Variants in CGN observed in about 807,000 individuals in gnomAD.
CGN encodes cingulin.
A neutral mutation model predicts 157.1 loss-of-function variants in CGN; 121 were observed. The observed-to-expected ratio is 0.77, with a 90% CI of 0.66 to 0.90. CGN has a LOEUF of 0.90. CGN is among the 40% of genes least tolerant of loss of function. The pLI is 0.00. For missense variants in CGN, 1,424 were observed against 1,520.9 expected (o/e 0.94, Z 1.06); for synonymous variants, 535 against 607.5 (o/e 0.88, Z 1.76).
At chr1:151,522,927 GAAA>G (rs3056390) in intron 5 of CGN, among the ~76,000 whole-genome samples, 2 of 145,622 alleles carry the variant, frequency 1.4e-5, no homozygotes, top group African/African-American at 5.0e-5. Context: ...AAAACACCAA[GAAA>G]AAAAAAAAAT....
In CGN at chr1:151,537,275, G is replaced by C; in HGVS notation, c.3541G>C (p.Asp1181His). 5.0e-6 allele frequency: 8 copies of C among 1,613,978 alleles called. No individual in the cohort carries two copies. Among genetic ancestry groups the C allele is most frequent in the Non-Finnish European group, 6.8e-6 (8 of 1,179,884 alleles). Residue 1181 changes from aspartate to histidine, a missense_variant, in exon 21 of 21, where the codon GAC becomes CAC. Transcript: ENST00000271636. ...NEGLSSDEEF[D>H]SVYDPSSIAS... ...AGGGCTGAGCTCAGATGAGGAATTC[G>C]ACAGTGTCTACGATCCCTCGTCCAT...
intron 9 of CGN, among the ~76,000 whole-genome samples, chr1:151,526,151 T>G (rs980141048): frequency 2.7e-5 from 4 of 150,196 alleles, no homozygotes; most frequent in Non-Finnish European, 4.4e-5. Flanking sequence ...GGATTACGGG[T>G]GTGAGCCGCT....
Position 151,518,534 on chromosome 1 carries a change from C to T in CGN, c.15C>T (p.Pro5=). MEQA[P]NMAEPRGPVD... is the part of the protein sequence containing the mutation. Reference sequence around the variant, plus strand: ...TCCTCCTATTTATGGAGCAGGCACCCAACATGGCTGAGCCCCGGGGCCCCG... The same window carrying T: ...TCCTCCTATTTATGGAGCAGGCACCTAACATGGCTGAGCCCCGGGGCCCCG... Residue 5 remains proline (P), a synonymous_variant, in exon 2 of 21, where the codon CCC becomes CCT. Transcript: ENST00000271636. 1.2e-6 allele frequency: 2 copies of T among 1,608,052 alleles called. No homozygotes were observed. Among genetic ancestry groups the T allele is most frequent in the South Asian group, 2.2e-5 (2 of 90,880 alleles).
rs762863722 is a variant in CGN, at chr1:151,519,364, G to A, written c.845G>A (p.Arg282Lys). 1.6e-5 allele frequency: 25 copies of A among 1,599,522 alleles called. No homozygotes were observed. The highest frequency in any genetic ancestry group is 1.9e-5 in the Non-Finnish European group (22 of 1,178,666). Reference protein sequence around the residue: ...WVLQSFEEPRRSAQDPTMLQF... With the variant: ...WVLQSFEEPRKSAQDPTMLQF... ...CTTCAGAGTTTTGAGGAGCCGCGGA[G>A]GAGTGCACAGGACCCCACCATGCTG... Residue 282 changes from arginine (R) to lysine (K), a missense_variant, in exon 2 of 21, where the codon AGG (arginine) becomes AAG (lysine). Arg to Lys is a conservative substitution (Grantham distance 26, BLOSUM62 2). Coordinates refer to ENST00000271636, the MANE Select transcript of CGN (RefSeq NM_020770.3).
chr1:151,532,715 G>T (rs933124360), intron 14 of CGN, 143 bp downstream of exon 14: 3 of 578,160 alleles, frequency 5.2e-6, no homozygotes, highest in Admixed American at 4.3e-5. Flanking sequence ...TGCCTCCGGG[G>T]TTCACACCAT....
rs1665025101 is a variant in CGN, at chr1:151,538,406, C to T, written c.*1060C>T. 6.6e-6 allele frequency: 1 copy of T among 152,178 alleles called. No individual in the cohort carries two copies. 9.4% of individuals were successfully genotyped at this position (152,178 alleles called of 1,614,324 possible). A position where few individuals can be genotyped will look rare whatever the true frequency, so the allele number is the denominator to read the frequency against. On this transcript the variant is annotated 3_prime_UTR_variant, in exon 21 of 21. Transcript: ENST00000271636. Reference sequence around the variant, plus strand: ...GGCTTTGCAAGGGGTTAGAAGCTGACTGTAAAAATGGGAAGAGGCAACGGA... The same window carrying T: ...GGCTTTGCAAGGGGTTAGAAGCTGATTGTAAAAATGGGAAGAGGCAACGGA...
rs146542754 is a variant in CGN at position 151,530,567 on chromosome 1, C to T, written c.2392C>T (p.Leu798=). 3.5e-4 allele frequency: 565 copies of T among 1,609,538 alleles called. No homozygotes were observed. Among genetic ancestry groups the T allele is most frequent in the Non-Finnish European group, 4.5e-4 (531 of 1,178,242 alleles). The change falls in exon 13 of 21, where the codon CTG becomes TTG. Residue 798 remains leucine (L), a synonymous_variant. Transcript: ENST00000271636. ...GAGTCTGGCAGCAGCCAAGCGGGCACTGGAGGCACGCCTAGAGGAGGCTCA... is the reference window on the plus strand; with the variant it reads ...GAGTCTGGCAGCAGCCAAGCGGGCATTGGAGGCACGCCTAGAGGAGGCTCA... The part of the protein sequence containing the change: ...EGSLAAAKRA[L]EARLEEAQRG...
intron 2 of CGN, 104 bp downstream of exon 2, chr1:151,519,496 G>C: frequency 8.7e-6 from 9 of 1,037,242 alleles, no homozygotes; most frequent in Non-Finnish European, 1.2e-5. Flanking sequence ...AAATAGCCTA[G>C]GCAGAAACTC....
In CGN at chr1:151,520,435, T is replaced by A. The variant is rs1338476963; in HGVS notation, c.996T>A (p.Ser332=). The change falls in exon 4 of 21, where the codon TCT becomes TCA. Residue 332 remains serine (S), a synonymous_variant. Coordinates refer to ENST00000271636, the MANE Select transcript of CGN (RefSeq NM_020770.3). Reference sequence around the variant, plus strand: ...CTAGAAGCTCAGAAAGTGAAACCTCTGTGAGGAGGAAGGTTAGTTTGGTGC... The same window carrying A: ...CTAGAAGCTCAGAAAGTGAAACCTCAGTGAGGAGGAAGGTTAGTTTGGTGC... The part of the protein sequence containing the change: ...LREGSSESET[S]VRRKVSLVLE... 4.3e-6 allele frequency: 7 copies of A among 1,614,180 alleles called. No homozygotes were observed. The highest frequency in any genetic ancestry group is 5.9e-6 in the Non-Finnish European group (7 of 1,179,992).
intron 1 of CGN, among the ~76,000 whole-genome samples, chr1:151,517,532 T>C (rs1664442350): frequency 1.4e-5 from 2 of 147,930 alleles, no homozygotes; most frequent in South Asian, 4.3e-4. Flanking sequence ...TTTTTGGAGA[T>C]AGAGTTTTGC....
At position 151,530,081 on chromosome 1, in the gene CGN, A is replaced by C; in HGVS notation, c.2279A>C (p.Glu760Ala). ...RGLVDGGEAV[E>A]ARLRDKLQRL... is the part of the protein sequence containing the mutation. ...CTGGTGGATGGTGGGGAAGCGGTGG[A>C]GGCACGACTACGGGACAAGCTGCAG... Residue 760 changes from glutamate (E) to alanine (A), a missense_variant, in exon 12 of 21, where the codon GAG becomes GCG. Coordinates refer to ENST00000271636, the MANE Select transcript of CGN (RefSeq NM_020770.3). 1 of 1,613,868 alleles carries C rather than the reference A, an allele frequency of 6.2e-7. No individual in the cohort carries two copies. Among genetic ancestry groups the C allele is most frequent in the East Asian group, 2.2e-5 (1 of 44,858 alleles).
chr1:151,520,520 G>T, intron 4 of CGN, 37 bp downstream of exon 4: 2 of 1,612,624 alleles, frequency 1.2e-6, no homozygotes, highest in Non-Finnish European at 8.5e-7. Flanking sequence ...AAGGGTCAAG[G>T]TTAGAGCTTT....
Position 151,534,017 on chromosome 1 carries a change from C to T in CGN, c.2785C>T (p.Arg929Trp), listed in dbSNP as rs1211160355. ...GGCCCTGCAGGCATCCCAGGCTGAGCGGGACACAGCCCGGCTGGACAAAGA... is the reference window on the plus strand; with the variant it reads ...GGCCCTGCAGGCATCCCAGGCTGAGTGGGACACAGCCCGGCTGGACAAAGA... ...RQALQASQAE[R>W]DTARLDKELL... Residue 929 changes from arginine (R) to tryptophan (W), a missense_variant, in exon 15 of 21, where the codon CGG becomes TGG. Around this residue, in one of 3 missense-constraint regions of CGN, gnomAD observed 1,187 missense variants for 1,217.6 expected, o/e 0.97. Transcript: ENST00000271636. The T allele has an allele frequency of 8.7e-6, 14 of 1,612,674 alleles. No homozygotes were observed. The highest frequency in any genetic ancestry group is 1.1e-5 in the Non-Finnish European group (13 of 1,179,788).
intron 15 of CGN, chr1:151,534,752 C>T: frequency 2.8e-6 from 1 of 359,038 alleles, no homozygotes; most frequent in Non-Finnish European, 5.1e-6. Flanking sequence ...GTTTCTCTCT[C>T]TTTTCCCATT....
At chr1:151,517,011 A>G (rs559139309) in intron 1 of CGN, among the ~76,000 whole-genome samples, 1 of 151,608 alleles carries the variant, frequency 6.6e-6, no homozygotes, top group South Asian at 2.1e-4. Context: ...AACAAAAATT[A>G]GCCGGGCATG....
rs766171794 is a variant in CGN, at chr1:151,534,110, AG to A, written c.2881del (p.Ala961ProfsTer4). On this transcript the variant is annotated frameshift_variant, in exon 15 of 21. Transcript: ENST00000271636. LOFTEE classifies it high-confidence loss of function. ...AENKKRSQDD[R>X]ARQLKGLEEK... ...GAACAAGAAGCGTTCCCAGGACGAC[AG>A]GGCCCGGCAGCTGAAGGGTCTCGAG... 6.2e-7 allele frequency: 1 copy of A among 1,601,230 alleles called. No individual in the cohort carries two copies. The highest frequency in any genetic ancestry group is 8.5e-7 in the Non-Finnish European group (1 of 1,173,674).
In CGN at chr1:151,535,087, A is replaced by G. The variant is rs372782014; in HGVS notation, c.2950A>G (p.Thr984Ala). 1.9e-6 allele frequency: 3 copies of G among 1,614,018 alleles called. No individual in the cohort carries two copies. The African/African-American group carries it at 4.0e-5, about 22-fold the overall frequency. ...LETELDEEKN[T>A]VELLTDRVNR... is the part of the protein sequence containing the mutation. ...AACAGAGTTAGATGAGGAGAAGAAC[A>G]CCGTGGAGCTGCTAACAGATCGGGT... The change falls in exon 16 of 21, where the codon ACC becomes GCC. Residue 984 changes from threonine to alanine, a missense_variant. Thr to Ala is a moderately conservative substitution (Grantham distance 58). This residue lies in a region of CGN where 199 missense variants were observed against 272.2 expected (regional missense o/e 0.73). Transcript: ENST00000271636.
Position 151,538,420 on chromosome 1 carries a change from A to G in CGN, c.*1074A>G, listed in dbSNP as rs924606059. On this transcript the variant is annotated 3_prime_UTR_variant, in exon 21 of 21. Transcript: ENST00000271636. ...TTAGAAGCTGACTGTAAAAATGGGA[A>G]GAGGCAACGGAAGACATTTATTTCT... The G allele has an allele frequency of 6.6e-6, 1 of 152,216 alleles. No homozygotes were observed. Among genetic ancestry groups the G allele is most frequent in the Non-Finnish European group, 1.5e-5 (1 of 68,042 alleles). The allele number at this position is 152,216 out of a possible 1,614,324, so 9.4% of individuals were successfully genotyped here.
At chr1:151,530,877 A>C in intron 13 of CGN, 131 bp downstream of exon 13, 8 of 937,330 alleles carry the variant, frequency 8.5e-6, no homozygotes, top group Admixed American at 2.6e-5. Context: ...GCGGTGACTC[A>C]CTCCTGTAAT....
Sources: allele counts gnomAD v4.1 joint callset (sites outside exome capture counted in the v4.1 genomes callset), GRCh38; gene constraint gnomAD v4.1.1; regional missense constraint gnomAD v4.1.1; transcripts MANE v1.5; gene names NCBI Gene and HGNC (gene_info 2026-07-23, HGNC 2026-07-21).